Variants in UBE2Z observed in about 807,000 individuals in gnomAD.
UBE2Z encodes the protein ubiquitin-conjugating enzyme E2 Z.
Under a neutral mutation model 32.6 loss-of-function variants are expected in UBE2Z, and 10 were observed. The observed-to-expected ratio is 0.31, with a 90% confidence interval of 0.19 to 0.52. UBE2Z has a LOEUF of 0.52. Among genes scored for constraint, UBE2Z ranks in the 20% least tolerant of loss-of-function variants. The pLI is 0.97. For missense variants in UBE2Z, 343 were observed against 480.9 expected, an observed-to-expected ratio of 0.71 and a Z score of 2.68; for synonymous variants, 183 against 190.8, an observed-to-expected ratio of 0.96 and a Z score of 0.34.
In UBE2Z at chr17:48,916,059, T is replaced by A; in HGVS notation, c.579-17T>A. ...CTTTCTCTGCCTCACCCTCCATTCC[T>A]TCTGATGTGTTTACAGTACATGGAC... On this transcript the variant is annotated splice_polypyrimidine_tract_variant and intron_variant, in intron 3 of 6. Transcript: ENST00000360943. 6.4e-7 allele frequency: 1 copy of A among 1,561,530 alleles called. No homozygotes were observed. Among genetic ancestry groups the A allele is most frequent in the Non-Finnish European group, 8.7e-7 (1 of 1,151,370 alleles).
chr17:48,908,716 A>T lies in UBE2Z; in HGVS notation c.213A>T (p.Ser71=). The change falls in exon 1 of 7, where the codon TCA becomes TCT. Residue 71 remains serine (S), a synonymous_variant. Coordinates refer to ENST00000360943, the MANE Select transcript of UBE2Z (RefSeq NM_023079.5). The part of the protein sequence containing the change: ...GLAPLPGLPP[S]AAAHGAALLS... ...CTCCGCTGCCCGGGCTCCCGCCCTC[A>T]GCCGCTGCCCACGGGGCCGCGCTGC... 1.4e-6 allele frequency: 2 copies of T among 1,383,142 alleles called. No homozygotes were observed. Among genetic ancestry groups the T allele is most frequent in the Non-Finnish European group, 1.9e-6 (2 of 1,066,758 alleles). 85.7% of individuals were successfully genotyped at this position (1,383,142 alleles called of 1,614,324 possible).
chr17:48,924,845 CAA>C (rs5820735), intron 6 of UBE2Z, among the ~76,000 whole-genome samples: 21 of 85,746 alleles, frequency 2.4e-4, no homozygotes, highest in Admixed American at 9.2e-4. Flanking sequence ...GATTCTGTCT[CAA>C]AAAAAAAAAA....
chr17:48,926,681 A>G (rs1247847107), intron 6 of UBE2Z, among the ~76,000 whole-genome samples: 1 of 152,062 alleles, frequency 6.6e-6, no homozygotes, highest in Admixed American at 6.6e-5. Context: ...GGGTTTCACC[A>G]TGTTGGTCAG....
At chr17:48,909,468 A>C (rs1598070102) in intron 1 of UBE2Z, among the ~76,000 whole-genome samples, 1 of 147,758 alleles carries the variant, frequency 6.8e-6, no homozygotes, top group African/African-American at 2.5e-5. Context: ...AACACAGGCT[A>C]CCTCCCCCCA....
At chr17:48,919,734 T>G (rs1417487469) in intron 4 of UBE2Z, among the ~76,000 whole-genome samples, 1 of 148,312 alleles carries the variant, frequency 6.7e-6, no homozygotes, top group Non-Finnish European at 1.5e-5. Flanking sequence ...TGCATCGGCT[T>G]CCCAAAGTGT....
At chr17:48,917,701 C>T (rs1274454942) in intron 4 of UBE2Z, among the ~76,000 whole-genome samples, 3 of 152,130 alleles carry the variant, frequency 2.0e-5, no homozygotes, top group Non-Finnish European at 4.4e-5. Flanking sequence ...AACCTTCATA[C>T]TATGTGAGGT....
At chr17:48,924,997 G>GT (rs2040788176) in intron 6 of UBE2Z, among the ~76,000 whole-genome samples, 1 of 151,654 alleles carries the variant, frequency 6.6e-6, no homozygotes, top group Non-Finnish European at 1.5e-5. Flanking sequence ...TGGGATACTC[G>GT]TGGGGCCTGG....
At chr17:48,925,477 C>T (rs2040791779) in intron 6 of UBE2Z, among the ~76,000 whole-genome samples, 1 of 152,132 alleles carries the variant, frequency 6.6e-6, no homozygotes, top group African/African-American at 2.4e-5. Flanking sequence ...GGACTTTCCA[C>T]CCACCTGTCT....
intron 5 of UBE2Z, 81 bp from the exon 6 acceptor site, chr17:48,922,766 G>GAAA (rs375466237): frequency 2.4e-5 from 21 of 877,126 alleles, no homozygotes; most frequent in East Asian, 6.8e-5. Flanking sequence ...GACTCCATCT[G>GAAA]AAAAAAAAAA....
intron 4 of UBE2Z, among the ~76,000 whole-genome samples, chr17:48,920,060 G>A (rs531691560): frequency 2.0e-5 from 3 of 152,010 alleles, no homozygotes; most frequent in African/African-American, 7.2e-5. Context: ...TGTGACATGT[G>A]CCTTGAGTCC....
intron 3 of UBE2Z, among the ~76,000 whole-genome samples, chr17:48,914,099 G>A (rs955334211): frequency 5.9e-5 from 9 of 152,184 alleles, no homozygotes; most frequent in African/African-American, 2.2e-4. Flanking sequence ...TATGAAATGA[G>A]TTTCTAGTGC....
Position 48,908,553 on chromosome 17 carries a change from C to A in UBE2Z, c.50C>A (p.Ala17Glu). 8.1e-7 allele frequency: 1 copy of A among 1,236,306 alleles called. No homozygotes were observed. Among genetic ancestry groups the A allele is most frequent in the Non-Finnish European group, 1.0e-6 (1 of 988,346 alleles). The allele number at this position is 1,236,306 out of a possible 1,614,324, so 76.6% of individuals were successfully genotyped here. Reference protein sequence around the residue: ...EEAATAGAGAAGPGASSVAGV... With the variant: ...EEAATAGAGAEGPGASSVAGV... Reference sequence around the variant, plus strand: ...GCGGCAACGGCGGGCGCCGGGGCGGCGGGCCCCGGGGCGAGCAGCGTTGCT... The same window carrying A: ...GCGGCAACGGCGGGCGCCGGGGCGGAGGGCCCCGGGGCGAGCAGCGTTGCT... Residue 17 changes from alanine to glutamate, a missense_variant, in exon 1 of 7, where the codon GCG becomes GAG. Ala to Glu is a moderately radical substitution (Grantham distance 107). Coordinates refer to ENST00000360943, the MANE Select transcript of UBE2Z (RefSeq NM_023079.5).
chr17:48,916,250 G>GTGTTTTTGT, intron 4 of UBE2Z, 63 bp downstream of exon 4: 1 of 517,696 alleles, frequency 1.9e-6, no homozygotes, highest in South Asian at 4.8e-5. Flanking sequence ...TGGTTGGTTG[G>GTGTTTTTGT]TTTTTTTGTT....
In UBE2Z at chr17:48,922,956, C is replaced by G. The variant is rs781087203; in HGVS notation, c.894+19C>G. 1 of 1,597,990 alleles carries G rather than the reference C, an allele frequency of 6.3e-7. No homozygotes were observed. The highest frequency in any genetic ancestry group is 1.3e-5 in the African/African-American group (1 of 74,684). ...TATGCAGGTAATACAACCCCTGCTG[C>G]TAATTGCAGAAGCCCTACAGCTGGC... On this transcript the variant is annotated intron_variant, in intron 6 of 6. Coordinates refer to ENST00000360943, the MANE Select transcript of UBE2Z (RefSeq NM_023079.5).
intron 6 of UBE2Z, among the ~76,000 whole-genome samples, chr17:48,923,645 C>T (rs1443825405): frequency 1.3e-5 from 2 of 151,608 alleles, no homozygotes; most frequent in African/African-American, 4.8e-5. Flanking sequence ...TAAAAGCAAC[C>T]TATATCATTT....
At chr17:48,910,672 A>G (rs999219635) in intron 1 of UBE2Z, 136 bp from the exon 2 acceptor site, 2 of 725,668 alleles carry the variant, frequency 2.8e-6, no homozygotes, top group Admixed American at 2.0e-5. Context: ...ACAAGACAGT[A>G]CAAACACTTG....
At chr17:48,921,367 TAGAG>T (rs1167784609) in intron 5 of UBE2Z, 95 bp downstream of exon 5, 7 of 937,710 alleles carry the variant, frequency 7.5e-6, no homozygotes, top group Non-Finnish European at 9.8e-6. Context: ...CAGAGGGAGA[TAGAG>T]AAGAAGGAAA....
At chr17:48,920,786 T>C (rs894958705) in intron 4 of UBE2Z, among the ~76,000 whole-genome samples, 2 of 152,168 alleles carry the variant, frequency 1.3e-5, no homozygotes, top group African/African-American at 4.8e-5. Context: ...CACCTTGGCT[T>C]CCTGAGTAGC....
At position 48,927,262 on chromosome 17, in the gene UBE2Z, C is replaced by T; in HGVS notation, c.*128C>T. 1 of 1,029,612 alleles carries T rather than the reference C, an allele frequency of 9.7e-7. No homozygotes were observed. Among genetic ancestry groups the T allele is most frequent in the Non-Finnish European group, 1.4e-6 (1 of 712,820 alleles). The allele number at this position is 1,029,612 out of a possible 1,614,324, so 63.8% of individuals were successfully genotyped here. A position where few individuals can be genotyped will look rare whatever the true frequency, so the allele number is the denominator to read the frequency against. ...AGTCATCCTGCAAGATGGCAAGAAC[C>T]AAGCAAGCTCCGATCCCAGGGTGTG... is the stretch of plus-strand genomic sequence containing the variant. On this transcript the variant is annotated 3_prime_UTR_variant, in exon 7 of 7. Transcript: ENST00000360943.
Sources: gnomAD v4.1 joint callset for allele counts (sites outside exome capture counted in the v4.1 genomes callset) on GRCh38, gnomAD v4.1.1 for gene constraint, MANE v1.5 for transcripts, NCBI Gene and HGNC (gene_info 2026-07-23, HGNC 2026-07-21) for gene names.